The following PPFIA2 variants were observed in gnomAD, a reference collection of about 807,000 sequenced individuals.
PPFIA2 encodes liprin-alpha-2.
A neutral mutation model predicts 175.5 loss-of-function variants in PPFIA2; 46 were observed. The observed-to-expected ratio is 0.26, with a 90% CI of 0.21 to 0.34. The LOEUF is 0.34. Among genes scored for constraint, PPFIA2 ranks in the 10% least tolerant of loss-of-function variants. The pLI, the probability that PPFIA2 is intolerant of heterozygous loss-of-function variation, is 1.00. For synonymous variants in PPFIA2, 568 were observed against 511.4 expected, an observed-to-expected ratio of 1.11 and a Z score of -1.49; for missense variants, 1,179 against 1,506.1, an observed-to-expected ratio of 0.78 and a Z score of 3.60.
chr12:81,613,388 C>T (rs2061127932), intron 4 of PPFIA2, among the ~76,000 whole-genome samples: 1 of 152,092 alleles, frequency 6.6e-6, no homozygotes, highest in Non-Finnish European at 1.5e-5. Flanking sequence ...TTGCACACGC[C>T]CTCCATGCTC....
chr12:81,524,719 G>T (rs2063541414), intron 4 of PPFIA2, among the ~76,000 whole-genome samples: 1 of 152,196 alleles, frequency 6.6e-6, no homozygotes, highest in Non-Finnish European at 1.5e-5. Context: ...TAATTGAAAT[G>T]AATGCATTTT....
intron 4 of PPFIA2, among the ~76,000 whole-genome samples, chr12:81,615,890 T>A (rs1336344879): frequency 6.6e-6 from 1 of 152,054 alleles, no homozygotes; most frequent in Non-Finnish European, 1.5e-5. Flanking sequence ...ACTGATGATG[T>A]AGGATGAAAA....
intron 3 of PPFIA2, among the ~76,000 whole-genome samples, chr12:81,725,761 C>A (rs2153634356): frequency 6.7e-6 from 1 of 150,026 alleles, no homozygotes; most frequent in Non-Finnish European, 1.5e-5. Flanking sequence ...ATAATCTAAT[C>A]AAGAAATAAG....
intron 19 of PPFIA2, among the ~76,000 whole-genome samples, chr12:81,341,580 T>A (rs10778812): frequency 0.94 from 142,454 of 152,138 alleles, 66,799 homozygotes; most frequent in East Asian, 0.98. Flanking sequence ...ACGGACCTTT[T>A]TTTTAAAGTT....
intron 28 of PPFIA2, chr12:81,270,620 CAG>C (rs1338255418): frequency 6.6e-6 from 1 of 152,214 alleles, no homozygotes; most frequent in Non-Finnish European, 1.5e-5. Flanking sequence ...CACCAGAAGT[CAG>C]GGGGCGAAGC....
intron 11 of PPFIA2, among the ~76,000 whole-genome samples, chr12:81,372,157 G>C (rs545116316): frequency 5.9e-4 from 89 of 151,638 alleles, no homozygotes; most frequent in African/African-American, 1.7e-3. Context: ...GTTTATCTTA[G>C]TTTCACTCCT....
chr12:81,354,275 G>C (rs73354659), intron 16 of PPFIA2, among the ~76,000 whole-genome samples: 4,542 of 152,264 alleles, frequency 0.03, 214 homozygotes, highest in African/African-American at 0.1. Context: ...ATTTAACCCA[G>C]AGTAGAACTT....
intron 3 of PPFIA2, among the ~76,000 whole-genome samples, chr12:81,727,520 C>G (rs927077139): frequency 6.0e-5 from 9 of 151,252 alleles, no homozygotes; most frequent in African/African-American, 2.2e-4. Context: ...TCTACTTTTG[C>G]TACTCAAATA....
chr12:81,309,296 C>A (rs2050130300), intron 22 of PPFIA2, among the ~76,000 whole-genome samples: 1 of 152,084 alleles, frequency 6.6e-6, no homozygotes, highest in Non-Finnish European at 1.5e-5. Flanking sequence ...TTCTGGTCAG[C>A]AAATGCAAAG....
intron 27 of PPFIA2, chr12:81,279,430 G>T (rs959798880): frequency 2.6e-5 from 4 of 152,038 alleles, no homozygotes; most frequent in Middle Eastern, 3.2e-3. Flanking sequence ...ATATTGGGCA[G>T]CTTGAGATTA....
At chr12:81,315,188 A>G (rs778769567) in intron 22 of PPFIA2, among the ~76,000 whole-genome samples, 3 of 151,840 alleles carry the variant, frequency 2.0e-5, no homozygotes, top group Non-Finnish European at 3.0e-5. Context: ...CAAGAGTTGC[A>G]GAGAGTAGAA....
intron 22 of PPFIA2, among the ~76,000 whole-genome samples, chr12:81,322,446 T>C (rs1474779242): frequency 6.6e-6 from 1 of 152,074 alleles, no homozygotes; most frequent in African/African-American, 2.4e-5. Context: ...ATATTAATAC[T>C]GAAACTAAAT....
intron 21 of PPFIA2, among the ~76,000 whole-genome samples, chr12:81,329,049 T>C (rs914745741): frequency 6.6e-6 from 1 of 152,012 alleles, no homozygotes; most frequent in African/African-American, 2.4e-5. Context: ...AGGGATCCTT[T>C]GACTTTGGCC....
intron 3 of PPFIA2, among the ~76,000 whole-genome samples, chr12:81,698,645 C>A (rs921836821): frequency 1.3e-5 from 2 of 152,002 alleles, no homozygotes; most frequent in Non-Finnish European, 1.5e-5. Context: ...TTGAAGTAAA[C>A]CCTTTGTTGC....
chr12:81,698,697 G>C (rs1402203003), intron 3 of PPFIA2, among the ~76,000 whole-genome samples: 3 of 151,946 alleles, frequency 2.0e-5, no homozygotes, highest in Non-Finnish European at 2.9e-5. Context: ...TATGCCTGTG[G>C]AAGAAGGGTA....
At chr12:81,557,319 C>CTGTGGG (rs1255104401) in intron 4 of PPFIA2, among the ~76,000 whole-genome samples, 2 of 151,768 alleles carry the variant, frequency 1.3e-5, no homozygotes, top group African/African-American at 2.4e-5. Flanking sequence ...TGACTGAACT[C>CTGTGGG]TGTGGGTGGA....
At position 81,394,771 on chromosome 12, in the gene PPFIA2, G is replaced by A. The variant is rs2040800360; in HGVS notation, c.763-10527C>T. ...ACCACCATGGCACATGTATATCTAT[G>A]TAACAAACCTGCATATTCTGCATGT... On this transcript the variant is annotated intron_variant, in intron 8 of 32. Transcript: ENST00000549396. Among the ~76,000 whole-genome samples the A allele has an allele frequency of 1.3e-5, 2 of 148,420 alleles. 1 individual carries two copies. Among genetic ancestry groups the A allele is most frequent in the East Asian group, 4.0e-4 (2 of 5,050 alleles).
chr12:81,440,525 A>T (rs1330655657), intron 6 of PPFIA2, among the ~76,000 whole-genome samples: 3 of 152,078 alleles, frequency 2.0e-5, no homozygotes, highest in African/African-American at 7.2e-5. Context: ...GGCCTTTTAG[A>T]ACCTGAAAAA....
At chr12:81,418,108 G>A (rs2045633335) in intron 7 of PPFIA2, among the ~76,000 whole-genome samples, 1 of 151,714 alleles carries the variant, frequency 6.6e-6, no homozygotes, top group Non-Finnish European at 1.5e-5. Flanking sequence ...GCCAATTAAG[G>A]TAAAAAGAAA....
Sources: gnomAD v4.1 joint callset for allele counts (sites outside exome capture counted in the v4.1 genomes callset) on GRCh38, gnomAD v4.1.1 for gene constraint, MANE v1.5 for transcripts, NCBI Gene and HGNC (gene_info 2026-07-23, HGNC 2026-07-21) for gene names.